Variants in INPP4A observed in about 807,000 individuals in gnomAD.
INPP4A encodes inositol polyphosphate-4-phosphatase type I A, also known as inositol polyphosphate-4-phosphatase, type I, 107kD.
INPP4A carries 33 observed loss-of-function variants against 119.8 expected under a neutral mutation model. That is an observed-to-expected ratio of 0.28 (90% CI 0.21 to 0.37). The LOEUF is 0.37. Ranked by LOEUF, INPP4A falls within the 10% of genes least tolerant of loss-of-function variation. The probability of loss-of-function intolerance (pLI) is 1.00; values close to 1 mark genes in which losing one functional copy is unlikely to be tolerated. For missense variants in INPP4A, 956 were observed against 1,289.9 expected (o/e 0.74, Z 3.97); for synonymous variants, 496 against 500.7 (o/e 0.99, Z 0.12).
At chr2:98,472,791 C>G (rs1396743296) in intron 1 of INPP4A, among the ~76,000 whole-genome samples, 1 of 152,254 alleles carries the variant, frequency 6.6e-6, no homozygotes, top group African/African-American at 2.4e-5. Context: ...AGGGCAGTGA[C>G]TTGCCCAGAG....
intron 1 of INPP4A, among the ~76,000 whole-genome samples, chr2:98,505,293 T>G (rs565403341): frequency 6.6e-6 from 1 of 152,296 alleles, no homozygotes; most frequent in East Asian, 1.9e-4. Flanking sequence ...GCCTTTAGGT[T>G]TGGGGAAAAG....
At position 98,587,459 on chromosome 2, in the gene INPP4A, G is replaced by T; in HGVS notation, c.2787-17G>T. On this transcript the variant is annotated splice_polypyrimidine_tract_variant and intron_variant, in intron 24 of 24. Transcript: ENST00000409851. ...CTTTTTTACTGCCGTCATTTCTTGT[G>T]CTTGTTTTTTCCCCAGTGAGGGTTG... 3 of 1,552,620 alleles carry T rather than the reference G, an allele frequency of 1.9e-6. No homozygotes were observed. The highest frequency in any genetic ancestry group is 1.2e-5 in the South Asian group (1 of 80,534).
intron 1 of INPP4A, among the ~76,000 whole-genome samples, chr2:98,477,773 G>A (rs926064844): frequency 1.3e-5 from 2 of 152,194 alleles, no homozygotes; most frequent in African/African-American, 4.8e-5. Flanking sequence ...CCCTGTGTGG[G>A]TCTTGCCCAG....
intron 1 of INPP4A, among the ~76,000 whole-genome samples, chr2:98,448,702 TCTCTCTC>T (rs1164788927): frequency 1.4e-4 from 19 of 138,098 alleles, no homozygotes; most frequent in Non-Finnish European, 2.9e-4. Context: ...TTTCTCTCTC[TCTCTCTC>T]TTTTTTTTTT....
At chr2:98,563,915 C>A (rs1695955244) in intron 18 of INPP4A, among the ~76,000 whole-genome samples, 1 of 150,810 alleles carries the variant, frequency 6.6e-6, no homozygotes, top group Non-Finnish European at 1.5e-5. Flanking sequence ...GCATGGGTGG[C>A]ACAGGCTTCT....
chr2:98,519,890 CATG>C (rs1686862450), intron 2 of INPP4A, 53 bp from the exon 3 acceptor site: 4 of 638,442 alleles, frequency 6.3e-6, no homozygotes, highest in Admixed American at 2.6e-5. Flanking sequence ...TAAATGAGAG[CATG>C]ATTTCTCTCC....
At chr2:98,491,744 G>T (rs1179575191) in intron 1 of INPP4A, among the ~76,000 whole-genome samples, 2 of 152,184 alleles carry the variant, frequency 1.3e-5, no homozygotes, top group African/African-American at 2.4e-5. Flanking sequence ...CATGGGCAGG[G>T]TTGGATCTGT....
chr2:98,577,189 G>A, intron 24 of INPP4A, 46 bp downstream of exon 24: 1 of 1,523,232 alleles, frequency 6.6e-7, no homozygotes, highest in Non-Finnish European at 8.9e-7. Flanking sequence ...CCCGGCCCGT[G>A]TAAACTGCAG....
intron 11 of INPP4A, among the ~76,000 whole-genome samples, 158 bp downstream of exon 11, chr2:98,544,165 A>T (rs913763145): frequency 6.6e-6 from 1 of 152,210 alleles, no homozygotes; most frequent in Non-Finnish European, 1.5e-5. Context: ...ATGGATTTTT[A>T]AAAATAACTT....
At position 98,539,604 on chromosome 2, in the gene INPP4A, G is replaced by A; in HGVS notation, c.747G>A (p.Met249Ile). The part of the protein sequence containing the change: ...DGNHLRILEQ[M>I]AESVLSLHVP... ...ACCATTTGCGGATCCTGGAGCAGATGGCAGAGAGCGTGCTCTCCCTGCACG... is the reference window on the plus strand; with the variant it reads ...ACCATTTGCGGATCCTGGAGCAGATAGCAGAGAGCGTGCTCTCCCTGCACG... Residue 249 changes from methionine (M) to isoleucine (I), a missense_variant, in exon 10 of 25, where the codon ATG becomes ATA. Physicochemically the swap from Met to Ile is conservative, Grantham distance 10. Transcript: ENST00000409851. 6.2e-7 allele frequency: 1 copy of A among 1,612,204 alleles called. No individual in the cohort carries two copies. Among genetic ancestry groups the A allele is most frequent in the Non-Finnish European group, 8.5e-7 (1 of 1,179,060 alleles).
In INPP4A at chr2:98,503,811, C is replaced by T. The variant is rs117659207; in HGVS notation, c.-165-15153C>T. The stretch of plus-strand genomic sequence containing the variant: ...CTTCTCCTGCAGGCAGGGCTCCTGT[C>T]TTCTGCCCTGGTCCCTTCCCTATTA... On this transcript the variant is annotated intron_variant, in intron 1 of 24. Coordinates refer to ENST00000409851, the MANE Select transcript of INPP4A (RefSeq NM_001134225.2). 6.6e-4 allele frequency among the ~76,000 whole-genome samples: 101 copies of T among 152,360 alleles called. 2 individuals are homozygous for T. In the East Asian group the frequency reaches 0.01, roughly 15 times the overall value.
At chr2:98,565,499 G>A in intron 19 of INPP4A, 141 bp from the exon 20 acceptor site, 2 of 777,998 alleles carry the variant, frequency 2.6e-6, no homozygotes, top group Non-Finnish European at 3.9e-6. Context: ...CAGGGGAAGA[G>A]GCTCAGAGAC....
intron 4 of INPP4A, among the ~76,000 whole-genome samples, chr2:98,526,340 AAACCT>A (rs1163598932): frequency 1.3e-5 from 2 of 152,242 alleles, no homozygotes; most frequent in Non-Finnish European, 2.9e-5. Context: ...TTGAACAGAA[AAACCT>A]AAGCTTTTTG....
At chr2:98,535,974 T>C (rs1690187645) in intron 6 of INPP4A, 129 bp downstream of exon 6, 1 of 709,356 alleles carries the variant, frequency 1.4e-6, no homozygotes, top group South Asian at 1.7e-5. Context: ...TAAATGCATT[T>C]GTCTTTGCGA....
intron 1 of INPP4A, among the ~76,000 whole-genome samples, chr2:98,473,795 A>G (rs1427903157): frequency 2.0e-5 from 3 of 152,122 alleles, no homozygotes; most frequent in Non-Finnish European, 2.9e-5. Context: ...TTGCATGAAA[A>G]CATGTTGGAA....
At chr2:98,462,608 C>G (rs540427853) in intron 1 of INPP4A, among the ~76,000 whole-genome samples, 4 of 151,690 alleles carry the variant, frequency 2.6e-5, no homozygotes, top group Non-Finnish European at 5.9e-5. Context: ...TCACTGCAGC[C>G]TCTGCCTTCC....
intron 16 of INPP4A, among the ~76,000 whole-genome samples, chr2:98,558,338 A>G (rs1006188346): frequency 6.6e-6 from 1 of 152,200 alleles, no homozygotes; most frequent in African/African-American, 2.4e-5. Flanking sequence ...GTATTTTTTC[A>G]AGGCCTCACA....
At chr2:98,490,709 C>T (rs1449017390) in intron 1 of INPP4A, among the ~76,000 whole-genome samples, 3 of 152,310 alleles carry the variant, frequency 2.0e-5, no homozygotes, top group Non-Finnish European at 4.4e-5. Context: ...TTGCCACCCA[C>T]CTGTGTGACG....
intron 10 of INPP4A, among the ~76,000 whole-genome samples, chr2:98,539,972 G>A (rs1028976800): frequency 3.9e-5 from 6 of 151,962 alleles, no homozygotes; most frequent in African/African-American, 4.8e-5. Flanking sequence ...TTGCTCTGTC[G>A]CTCAGGCTGG....
Sources: gnomAD v4.1 joint callset for allele counts (sites outside exome capture counted in the v4.1 genomes callset) on GRCh38, gnomAD v4.1.1 for gene constraint, MANE v1.5 for transcripts, NCBI Gene and HGNC (gene_info 2026-07-23, HGNC 2026-07-21) for gene names.